ADAT1: variants seen among roughly 807,000 people sequenced by gnomAD.
ADAT1 encodes tRNA-specific adenosine deaminase 1.
A neutral mutation model predicts 58.6 loss-of-function variants in ADAT1; 58 were observed. The observed-to-expected ratio is 0.99, with a 90% CI of 0.80 to 1.23. ADAT1 has a LOEUF of 1.23. Among genes scored for constraint, ADAT1 ranks in the 50% most tolerant of loss-of-function variants. The probability of loss-of-function intolerance (pLI) is 0.00; values close to 1 mark genes in which losing one functional copy is unlikely to be tolerated. For missense variants in ADAT1, 741 were observed against 608.6 expected (o/e 1.22, Z -2.29); for synonymous variants, 254 against 220.8 (o/e 1.15, Z -1.33).
chr16:75,621,012 C>T (rs1228354586), intron 1 of ADAT1, among the ~76,000 whole-genome samples, 192 bp from the exon 2 acceptor site: 10 of 152,084 alleles, frequency 6.6e-5, no homozygotes, highest in Admixed American at 5.2e-4. Context: ...CAAAGAAACC[C>T]CAAATTCTAC....
chr16:75,610,276 G>A (rs542674315), intron 6 of ADAT1, among the ~76,000 whole-genome samples: 7 of 150,896 alleles, frequency 4.6e-5, no homozygotes, highest in African/African-American at 1.2e-4. Flanking sequence ...TTATGTACAG[G>A]TTTTTGTTAT....
chr16:75,614,410 A>G lies in ADAT1; in HGVS notation c.425-1549T>C, dbSNP rs1391695666. On this transcript the variant is annotated intron_variant, in intron 5 of 9. Transcript: ENST00000564657. ...AGAAAACTAGAGGTCAGTAAGAACC[A>G]CAGCTCTCCCTTGAGAAGCGAAAGA... Among the ~76,000 whole-genome samples, 3 of 152,244 alleles carry G rather than the reference A, an allele frequency of 2.0e-5. No homozygotes were observed. The East Asian group carries it at 5.8e-4, about 29-fold the overall frequency.
rs751976600 is a variant in ADAT1, at chr16:75,597,017, A to C, written c.*3199T>G. On this transcript the variant is annotated 3_prime_UTR_variant, in exon 10 of 10. Coordinates refer to ENST00000564657, the MANE Select transcript of ADAT1 (RefSeq NM_001324445.2). ...TTTATATGAAATGTTCAGAATAGAC[A>C]AATCCAAACAGACAGAAAGTAGATT... 3.3e-5 allele frequency: 5 copies of C among 153,780 alleles called. No homozygotes were observed. The highest frequency in any genetic ancestry group is 9.6e-5 in the African/African-American group (4 of 41,484). 9.5% of individuals were successfully genotyped at this position (153,780 alleles called of 1,614,324 possible).
intron 8 of ADAT1, among the ~76,000 whole-genome samples, chr16:75,606,437 A>G (rs2081374884): frequency 6.6e-6 from 1 of 152,190 alleles, no homozygotes; most frequent in Admixed American, 6.5e-5. Flanking sequence ...GCTAGGTCAT[A>G]AAAGACACTG....
chr16:75,620,178 G>T, intron 3 of ADAT1, 88 bp downstream of exon 3: 1 of 1,314,446 alleles, frequency 7.6e-7, no homozygotes, highest in Non-Finnish European at 1.1e-6. Flanking sequence ...CACCTCAACT[G>T]ACATGGCCCC....
intron 9 of ADAT1, 38 bp downstream of exon 9, chr16:75,603,047 C>T: frequency 1.3e-6 from 2 of 1,577,612 alleles, no homozygotes; most frequent in Non-Finnish European, 1.7e-6. Flanking sequence ...AAACAGTTGT[C>T]TACCTAAATA....
chr16:75,603,508 C>T (rs1437833422), intron 8 of ADAT1, among the ~76,000 whole-genome samples: 1 of 152,146 alleles, frequency 6.6e-6, no homozygotes, highest in Non-Finnish European at 1.5e-5. Flanking sequence ...TATGGGTTTA[C>T]AAGAAATGGA....
intron 5 of ADAT1, among the ~76,000 whole-genome samples, chr16:75,614,376 G>C (rs2081641270): frequency 6.6e-6 from 1 of 152,204 alleles, no homozygotes; most frequent in African/African-American, 2.4e-5. Flanking sequence ...TGTCCTTACA[G>C]GAAACAGAAG....
At chr16:75,615,323 G>A (rs1473201334) in intron 5 of ADAT1, among the ~76,000 whole-genome samples, 1 of 151,236 alleles carries the variant, frequency 6.6e-6, no homozygotes, top group Non-Finnish European at 1.5e-5. Context: ...TCACAGATCA[G>A]TACCTGTTTG....
At chr16:75,619,386 C>A (rs2081854692) in intron 3 of ADAT1, among the ~76,000 whole-genome samples, 2 of 152,114 alleles carry the variant, frequency 1.3e-5, no homozygotes, top group South Asian at 4.2e-4. Flanking sequence ...AAATTAGCTG[C>A]ACATAGGTGT....
intron 3 of ADAT1, chr16:75,619,773 G>A (rs556241747): frequency 2.7e-6 from 1 of 373,616 alleles, no homozygotes; most frequent in East Asian, 7.6e-5. Flanking sequence ...AGCTGGGCGT[G>A]ATGGTGGGTG....
chr16:75,606,770 T>C (rs898060557), intron 8 of ADAT1, among the ~76,000 whole-genome samples: 7 of 152,252 alleles, frequency 4.6e-5, no homozygotes, highest in African/African-American at 1.4e-4. Context: ...TAAATGTATA[T>C]TGTTGTTTTA....
At chr16:75,601,960 C>T (rs2081242923) in intron 9 of ADAT1, 1 of 152,100 alleles carries the variant, frequency 6.6e-6, no homozygotes, top group South Asian at 2.1e-4. Flanking sequence ...TTCCCGGGAG[C>T]CTCTAAGCTT....
chr16:75,604,783 C>CA (rs956781341), intron 8 of ADAT1, among the ~76,000 whole-genome samples: 1 of 151,962 alleles, frequency 6.6e-6, no homozygotes, highest in African/African-American at 2.4e-5. Flanking sequence ...AAGTGAAAAA[C>CA]AAAAACCAAG....
Position 75,615,480 on chromosome 16 carries a change from T to TAAAAAAAAA in ADAT1, c.424+1653_424+1661dup, listed in dbSNP as rs56149357. Among the ~76,000 whole-genome samples, 7 of 32,942 alleles carry TAAAAAAAAA rather than the reference T, an allele frequency of 2.1e-4. 1 individual carries two copies. The highest frequency in any genetic ancestry group is 4.8e-4 in the Non-Finnish European group (4 of 8,290). 21.6% of individuals were successfully genotyped at this position (32,942 alleles called of 152,430 possible). ...CGAACGCAAACGATAGTTGATGAGC[T>TAAAAAAAAA]AAAAAAAAAAAAAAAAAAAAAAAAA... On this transcript the variant is annotated intron_variant, in intron 5 of 9. Transcript: ENST00000564657.
intron 8 of ADAT1, 106 bp downstream of exon 8, chr16:75,608,118 A>C (rs900099618): frequency 1.1e-6 from 1 of 906,686 alleles, no homozygotes; most frequent in African/African-American, 1.6e-5. Context: ...AGTGACTGCT[A>C]ATGGGTATGG....
chr16:75,621,209 T>C (rs1339278118), intron 1 of ADAT1, among the ~76,000 whole-genome samples: 1 of 141,654 alleles, frequency 7.1e-6, no homozygotes, highest in African/African-American at 2.5e-5. Context: ...CCTCACTGTA[T>C]AAGGTTTATC....
chr16:75,600,103 A>T lies in ADAT1; in HGVS notation c.*113T>A. ...ATCTGTATTACACAACAGAGATGCA[A>T]AGCTCAGAAAGAATGTTCCCTGATT... On this transcript the variant is annotated 3_prime_UTR_variant, in exon 10 of 10. Coordinates refer to ENST00000564657, the MANE Select transcript of ADAT1 (RefSeq NM_001324445.2). 1 of 1,537,688 alleles carries T rather than the reference A, an allele frequency of 6.5e-7. No individual in the cohort carries two copies. The highest frequency in any genetic ancestry group is 8.8e-7 in the Non-Finnish European group (1 of 1,140,766).
intron 8 of ADAT1, among the ~76,000 whole-genome samples, chr16:75,607,430 G>A (rs2081400072): frequency 1.3e-5 from 2 of 151,666 alleles, no homozygotes; most frequent in Admixed American, 6.6e-5. Context: ...TGAACCCCAG[G>A]GGCGGAGGTT....
Sources: allele counts gnomAD v4.1 joint callset (sites outside exome capture counted in the v4.1 genomes callset), GRCh38; gene constraint gnomAD v4.1.1; transcripts MANE v1.5; gene names NCBI Gene and HGNC (gene_info 2026-07-23, HGNC 2026-07-21).